LIPA: variants seen among roughly 807,000 people sequenced by gnomAD.
The protein encoded by LIPA is lipase A, lysosomal acid type.
LIPA carries 26 observed loss-of-function variants against 40.6 expected under a neutral mutation model. The ratio of observed to expected loss-of-function variants is 0.64; its 90% CI spans 0.47 to 0.89. The LOEUF is 0.89. Among genes scored for constraint, LIPA ranks in the 40% least tolerant of loss-of-function variants. The pLI is 0.00. For synonymous variants in LIPA, 188 were observed against 168.4 expected, an observed-to-expected ratio of 1.12 and a Z score of -0.90; for missense variants, 455 against 479.6, an observed-to-expected ratio of 0.95 and a Z score of 0.48.
At chr10:89,239,356 A>C (rs1842940093) in intron 3 of LIPA, among the ~76,000 whole-genome samples, 1 of 152,142 alleles carries the variant, frequency 6.6e-6, no homozygotes, top group Admixed American at 6.5e-5. Context: ...TAACCCTATA[A>C]ACCTTGGTTT....
At chr10:89,328,109 T>G (rs1843616706) in intron 1 of LIPA, 5 of 1,609,450 alleles carry the variant, frequency 3.1e-6, no homozygotes, top group Non-Finnish European at 4.3e-6. Flanking sequence ...TAATCATGCT[T>G]GTTTTTGAGT....
chr10:89,292,780 G>A (rs1843381941), intron 1 of LIPA, among the ~76,000 whole-genome samples: 1 of 151,952 alleles, frequency 6.6e-6, no homozygotes. Flanking sequence ...TGGGTAGCTA[G>A]GACGACAGGC....
rs116903123 is a variant in LIPA, at chr10:89,330,451, C to T, written c.-2+12160G>A. The stretch of plus-strand genomic sequence containing the variant: ...ATCTTAATGCTTTCAACTATGCTCA[C>T]TTTAGAGAGGGGGCCAGGGATGGGC... On this transcript the variant is annotated intron_variant, in intron 1 of 5. Transcript: ENST00000282673. Among the ~76,000 whole-genome samples the T allele has an allele frequency of 1.7e-3, 260 of 152,270 alleles. 4 individuals carry two copies. In the East Asian group the frequency reaches 0.043, roughly 25 times the overall value.
intron 2 of LIPA, among the ~76,000 whole-genome samples, chr10:89,370,750 G>T (rs1844086990): frequency 6.6e-6 from 1 of 152,112 alleles, no homozygotes; most frequent in African/African-American, 2.4e-5. Flanking sequence ...AAGTGTGGTG[G>T]CTCATGCCTG....
chr10:89,365,584 G>A (rs1455206130), intron 2 of LIPA, among the ~76,000 whole-genome samples: 2 of 152,056 alleles, frequency 1.3e-5, no homozygotes, highest in South Asian at 2.1e-4. Flanking sequence ...ATGGTTTTAG[G>A]TCTAACATTT....
Position 89,384,755 on chromosome 10 carries a change from A to G in LIPA, c.61+28036T>C, listed in dbSNP as rs1844193378. 3 of 1,544,846 alleles carry G rather than the reference A, an allele frequency of 1.9e-6. No individual in the cohort carries two copies. In the East Asian group the frequency reaches 6.8e-5, roughly 35 times the overall value. ...ATATTTTAACATAGAGGTCACCATT[A>G]TCCATTTAATGGTCTTATAACTAAA... On this transcript the variant is annotated intron_variant, in intron 2 of 8. Transcript: ENST00000371837.
intron 1 of LIPA, among the ~76,000 whole-genome samples, chr10:89,249,054 C>T (rs1431986688): frequency 1.3e-5 from 2 of 152,240 alleles, no homozygotes; most frequent in Non-Finnish European, 2.9e-5. Context: ...TCCTACTTAT[C>T]TAACCACTAT....
At chr10:89,374,767 A>G (rs1242508851) in intron 2 of LIPA, among the ~76,000 whole-genome samples, 2 of 152,208 alleles carry the variant, frequency 1.3e-5, no homozygotes, top group African/African-American at 4.8e-5. Context: ...AGCTGAGAGG[A>G]AATGAGTCCC....
At chr10:89,329,880 A>G (rs1167322068) in intron 1 of LIPA, among the ~76,000 whole-genome samples, 1 of 151,690 alleles carries the variant, frequency 6.6e-6, no homozygotes, top group Non-Finnish European at 1.5e-5. Flanking sequence ...CAGGGAAGGG[A>G]GATAGGGGTG....
At chr10:89,372,551 G>A (rs1028751449) in intron 2 of LIPA, among the ~76,000 whole-genome samples, 2 of 152,228 alleles carry the variant, frequency 1.3e-5, no homozygotes, top group African/African-American at 4.8e-5. Context: ...CACTTGAGAA[G>A]AGGAAACATG....
chr10:89,384,505 G>A (rs1844190150), intron 2 of LIPA: 2 of 1,613,914 alleles, frequency 1.2e-6, no homozygotes, highest in Non-Finnish European at 1.7e-6. Flanking sequence ...TCAAGATAAA[G>A]CAATTACCCA....
intron 1 of LIPA, among the ~76,000 whole-genome samples, chr10:89,266,168 T>C (rs1843235308): frequency 6.6e-6 from 1 of 152,252 alleles, no homozygotes; most frequent in African/African-American, 2.4e-5. Context: ...TGCTGTTGTT[T>C]GTTGTTGCTG....
chr10:89,412,688 C>G (rs146552942), intron 2 of LIPA: 4 of 412,700 alleles, frequency 9.7e-6, no homozygotes, highest in East Asian at 8.5e-5. Context: ...ACGAACCCAC[C>G]GGGAGGAACG....
At position 89,393,455 on chromosome 10, in the gene LIPA, G is replaced by T. The variant is rs140888709; in HGVS notation, c.61+19336C>A. The T allele has an allele frequency of 2.8e-4, 129 of 461,200 alleles. No individual in the cohort carries two copies. The East Asian group carries it at 9.7e-3, about 35-fold the overall frequency. 28.6% of individuals were successfully genotyped at this position (461,200 alleles called of 1,614,324 possible). A position where few individuals can be genotyped will look rare whatever the true frequency, so the allele number is the denominator to read the frequency against. ...TGATTTAAAAACCATTACTTAGGCC[G>T]GGCAAGGGGGCTCATGCTTGTAATC... is the stretch of plus-strand genomic sequence containing the variant. On this transcript the variant is annotated intron_variant, in intron 2 of 8. Transcript: ENST00000371837.
At chr10:89,320,798 C>T (rs1342409961) in intron 1 of LIPA, among the ~76,000 whole-genome samples, 308 of 152,194 alleles carry the variant, frequency 2.0e-3, no homozygotes, top group Non-Finnish European at 3.1e-3. Flanking sequence ...GGAGCCATCA[C>T]ACTACCTGAC....
At chr10:89,249,084 T>C (rs754608822) in intron 1 of LIPA, among the ~76,000 whole-genome samples, 1 of 152,224 alleles carries the variant, frequency 6.6e-6, no homozygotes, top group African/African-American at 2.4e-5. Context: ...CTCCTACTTA[T>C]CTAACCACTT....
intron 1 of LIPA, among the ~76,000 whole-genome samples, chr10:89,250,540 C>T (rs1843104985): frequency 6.6e-6 from 1 of 152,108 alleles, no homozygotes; most frequent in Non-Finnish European, 1.5e-5. Context: ...ATCATAAATG[C>T]AACCTCCCAA....
intron 3 of LIPA, among the ~76,000 whole-genome samples, chr10:89,234,484 T>C (rs1225383930): frequency 1.3e-5 from 2 of 152,212 alleles, no homozygotes; most frequent in Admixed American, 6.5e-5. Flanking sequence ...GAAAATAGTA[T>C]CGAATCCTCG....
intron 3 of LIPA, among the ~76,000 whole-genome samples, chr10:89,231,919 G>T (rs1842847631): frequency 6.6e-6 from 1 of 152,180 alleles, no homozygotes; most frequent in Admixed American, 6.5e-5. Flanking sequence ...TCATTTTAAT[G>T]CAATATTAAC....
Sources: allele counts gnomAD v4.1 joint callset (sites outside exome capture counted in the v4.1 genomes callset), GRCh38; gene constraint gnomAD v4.1.1; transcripts MANE v1.5; gene names NCBI Gene and HGNC (gene_info 2026-07-23, HGNC 2026-07-21).